PITPNC1: variants seen among roughly 807,000 people sequenced by gnomAD.
PITPNC1 encodes cytoplasmic phosphatidylinositol transfer protein 1.
A neutral mutation model predicts 44.7 loss-of-function variants in PITPNC1; 18 were observed. The observed-to-expected ratio is 0.40, with a 90% CI of 0.28 to 0.60. PITPNC1 has a LOEUF of 0.60. Among genes scored for constraint, PITPNC1 ranks in the 20% least tolerant of loss-of-function variants. The probability of loss-of-function intolerance (pLI) is 0.39; values close to 1 mark genes in which losing one functional copy is unlikely to be tolerated. For missense variants in PITPNC1, 290 were observed against 418.4 expected, an observed-to-expected ratio of 0.69 and a Z score of 2.68; for synonymous variants, 141 against 149.6, an observed-to-expected ratio of 0.94 and a Z score of 0.42.
chr17:67,622,592 A>G (rs1028128661), intron 5 of PITPNC1, among the ~76,000 whole-genome samples: 3 of 150,872 alleles, frequency 2.0e-5, no homozygotes, highest in African/African-American at 4.9e-5. Context: ...TTAGATAATA[A>G]TCAATAAACC....
At chr17:67,555,697 A>G (rs868297489) in intron 4 of PITPNC1, among the ~76,000 whole-genome samples, 1 of 137,540 alleles carries the variant, frequency 7.3e-6, no homozygotes, top group Non-Finnish European at 1.6e-5. Flanking sequence ...AAAAAAAGGT[A>G]GTTGGGTGTG....
chr17:67,600,615 T>C (rs933871945), intron 5 of PITPNC1, among the ~76,000 whole-genome samples: 2 of 151,990 alleles, frequency 1.3e-5, no homozygotes, highest in Non-Finnish European at 2.9e-5. Context: ...AATTGGAAGA[T>C]ATTAATAGTA....
chr17:67,519,623 G>A (rs1229818652), intron 1 of PITPNC1, among the ~76,000 whole-genome samples: 2 of 152,100 alleles, frequency 1.3e-5, no homozygotes, highest in African/African-American at 2.4e-5. Flanking sequence ...TTACCAAGGA[G>A]GAAACACTCT....
intron 1 of PITPNC1, among the ~76,000 whole-genome samples, chr17:67,422,838 C>G (rs149921599): frequency 3.3e-5 from 5 of 152,330 alleles, no homozygotes; most frequent in East Asian, 1.9e-4. Flanking sequence ...CCACGCCGGT[C>G]TAGCTTACTC....
chr17:67,425,214 CACA>C (rs2143877790), intron 1 of PITPNC1, among the ~76,000 whole-genome samples: 1 of 50,676 alleles, frequency 2.0e-5, no homozygotes, highest in South Asian at 6.3e-4. Flanking sequence ...CACACACACA[CACA>C]CACACACACA....
At chr17:67,539,560 C>T (rs1460456030) in intron 2 of PITPNC1, among the ~76,000 whole-genome samples, 1 of 152,166 alleles carries the variant, frequency 6.6e-6, no homozygotes, top group East Asian at 1.9e-4. Context: ...AAAACAAGTC[C>T]CGGCACGATG....
chr17:67,538,779 A>G (rs993477137), intron 2 of PITPNC1, among the ~76,000 whole-genome samples: 1 of 152,054 alleles, frequency 6.6e-6, no homozygotes, highest in Non-Finnish European at 1.5e-5. Context: ...GAGCCTTTGC[A>G]TAGCAAAAGA....
intron 8 of PITPNC1, among the ~76,000 whole-genome samples, chr17:67,675,929 G>C (rs550854973): frequency 2.6e-5 from 4 of 152,282 alleles, no homozygotes; most frequent in Admixed American, 6.5e-5. Flanking sequence ...ACCCCTTGCC[G>C]GGCGCAGTGG....
intron 5 of PITPNC1, among the ~76,000 whole-genome samples, chr17:67,629,610 C>T (rs867856309): frequency 1.3e-5 from 2 of 152,240 alleles, no homozygotes; most frequent in Non-Finnish European, 2.9e-5. Context: ...ATGTGTCTCT[C>T]TTCTCTTAGC....
intron 1 of PITPNC1, among the ~76,000 whole-genome samples, chr17:67,404,432 T>G (rs2038367451): frequency 1.3e-5 from 2 of 152,212 alleles, no homozygotes; most frequent in African/African-American, 4.8e-5. Context: ...CACTTTAAGA[T>G]GTCATTATAT....
At chr17:67,528,968 C>A (rs1050826037) in intron 1 of PITPNC1, among the ~76,000 whole-genome samples, 1 of 152,116 alleles carries the variant, frequency 6.6e-6, no homozygotes, top group Non-Finnish European at 1.5e-5. Flanking sequence ...GCAAAGTGGG[C>A]CTGATTTCCT....
At chr17:67,416,140 A>G (rs1363167800) in intron 1 of PITPNC1, among the ~76,000 whole-genome samples, 1 of 151,166 alleles carries the variant, frequency 6.6e-6, no homozygotes, top group Non-Finnish European at 1.5e-5. Context: ...AATTTTGGAC[A>G]TAAGACTTGG....
chr17:67,576,033 C>T (rs970901867), intron 4 of PITPNC1, among the ~76,000 whole-genome samples: 15 of 151,830 alleles, frequency 9.9e-5, no homozygotes, highest in Non-Finnish European at 1.5e-4. Flanking sequence ...TACACCACTA[C>T]ACCTGGCTAA....
intron 1 of PITPNC1, among the ~76,000 whole-genome samples, chr17:67,425,133 ACT>A (rs1160264852): frequency 1.4e-5 from 2 of 147,428 alleles, no homozygotes; most frequent in Non-Finnish European, 3.0e-5. Context: ...CACTTCGCTG[ACT>A]CTTTTCGGAC....
chr17:67,646,907 G>T (rs1326580508), intron 6 of PITPNC1, among the ~76,000 whole-genome samples: 9 of 152,148 alleles, frequency 5.9e-5, no homozygotes, highest in African/African-American at 1.9e-4. Flanking sequence ...GTTTCAGGAA[G>T]CCTGGATTCA....
At chr17:67,562,258 G>A (rs2040915170) in intron 4 of PITPNC1, among the ~76,000 whole-genome samples, 1 of 152,320 alleles carries the variant, frequency 6.6e-6, no homozygotes, top group East Asian at 1.9e-4. Context: ...AAGCCTCTGT[G>A]TAGGGTGCGG....
chr17:67,692,895 A>G lies in PITPNC1; in HGVS notation c.*7A>G, dbSNP rs765673355. On this transcript the variant is annotated 3_prime_UTR_variant, in exon 9 of 9. Transcript: ENST00000581322. Reference sequence around the variant, plus strand: ...TCGGCCCAAATCTGAGTAACTTTATATAAATATCTCATGGGGTTTTATATT... The same window carrying G: ...TCGGCCCAAATCTGAGTAACTTTATGTAAATATCTCATGGGGTTTTATATT... The G allele has an allele frequency of 6.7e-7, 1 of 1,498,732 alleles. No individual in the cohort carries two copies. Among genetic ancestry groups the G allele is most frequent in the Admixed American group, 1.9e-5 (1 of 53,756 alleles). The allele number at this position is 1,498,732 out of a possible 1,614,324, so 92.8% of individuals were successfully genotyped here.
intron 6 of PITPNC1, among the ~76,000 whole-genome samples, chr17:67,637,230 C>T (rs559979841): frequency 1.9e-4 from 29 of 152,050 alleles, no homozygotes; most frequent in Non-Finnish European, 3.1e-4. Context: ...TCAGAGCAAC[C>T]GCTATCAAAG....
chr17:67,549,039 G>A (rs1385459769), intron 2 of PITPNC1, among the ~76,000 whole-genome samples: 1 of 152,190 alleles, frequency 6.6e-6, no homozygotes, highest in Non-Finnish European at 1.5e-5. Context: ...GAAATCGGGG[G>A]CTGAGAGAAG....
Sources: allele counts gnomAD v4.1 joint callset (sites outside exome capture counted in the v4.1 genomes callset), GRCh38; gene constraint gnomAD v4.1.1; transcripts MANE v1.5; gene names NCBI Gene and HGNC (gene_info 2026-07-23, HGNC 2026-07-21).